Variants in ZNF146 observed in about 807,000 individuals in gnomAD.
The protein encoded by ZNF146 is zinc finger protein OZF.
In ZNF146, 9 loss-of-function variants were observed where a neutral mutation model predicts 22.2. The observed-to-expected ratio is 0.41, with a 90% confidence interval of 0.24 to 0.71. The LOEUF is 0.71. Ranked by LOEUF, ZNF146 falls within the 30% of genes least tolerant of loss-of-function variation. The probability of loss-of-function intolerance (pLI) is 0.34; values close to 1 mark genes in which losing one functional copy is unlikely to be tolerated. For synonymous variants in ZNF146, 108 were observed against 119.2 expected (o/e 0.91, Z 0.61); for missense variants, 194 against 344.8 (o/e 0.56, Z 3.46).
chr19:36,228,452 G>C (rs1977180326), intron 2 of ZNF146: 1 of 152,248 alleles, frequency 6.6e-6, no homozygotes, highest in Non-Finnish European at 1.5e-5. Flanking sequence ...TCCTGTGTAA[G>C]TAAAATTCTG....
intron 3 of ZNF146, among the ~76,000 whole-genome samples, chr19:36,233,517 C>A (rs558124590): frequency 2.0e-5 from 3 of 152,048 alleles, no homozygotes; most frequent in Admixed American, 2.0e-4. Flanking sequence ...TCAAGAGGAC[C>A]GGCCTCTTGA....
At position 36,236,361 on chromosome 19, in the gene ZNF146, T is replaced by C. The variant is rs1183619867; in HGVS notation, c.-80T>C. On this transcript the variant is annotated 5_prime_UTR_variant, in exon 4 of 4. Transcript: ENST00000443387. ...AAATGTAAGAGATGTGGAAATATCT[T>C]CAGCCAAAAGTAAATCCTCACTCAT... The C allele has an allele frequency of 6.7e-7, 1 of 1,493,602 alleles. No homozygotes were observed. Among genetic ancestry groups the C allele is most frequent in the Non-Finnish European group, 9.0e-7 (1 of 1,114,448 alleles). 92.5% of individuals were successfully genotyped at this position (1,493,602 alleles called of 1,614,324 possible).
At chr19:36,229,116 C>T (rs1977208401) in intron 3 of ZNF146, among the ~76,000 whole-genome samples, 1 of 152,220 alleles carries the variant, frequency 6.6e-6, no homozygotes, top group Non-Finnish European at 1.5e-5. Context: ...CTTTTCCTGT[C>T]CTCACACATT....
intron 2 of ZNF146, among the ~76,000 whole-genome samples, chr19:36,220,619 G>T (rs1252926429): frequency 6.6e-6 from 1 of 152,100 alleles, no homozygotes; most frequent in Non-Finnish European, 1.5e-5. Flanking sequence ...GCCCACCTTG[G>T]CCTCCCAAAG....
At chr19:36,224,153 G>A (rs1439802039) in intron 2 of ZNF146, among the ~76,000 whole-genome samples, 1 of 152,174 alleles carries the variant, frequency 6.6e-6, no homozygotes, top group Non-Finnish European at 1.5e-5. Flanking sequence ...AGGCCAAGGT[G>A]GGTGGATCAC....
chr19:36,215,569 G>A (rs1387917944), intron 1 of ZNF146, among the ~76,000 whole-genome samples: 1 of 151,958 alleles, frequency 6.6e-6, no homozygotes, highest in African/African-American at 2.4e-5. Context: ...AAATTGAAGG[G>A]GTGGAAAAGC....
chr19:36,221,010 G>A (rs752648984), intron 2 of ZNF146, among the ~76,000 whole-genome samples: 46 of 151,544 alleles, frequency 3.0e-4, no homozygotes, highest in Non-Finnish European at 5.6e-4. Flanking sequence ...CCACCATGAC[G>A]CCTAGCTAAT....
chr19:36,233,497 G>T (rs908074413), intron 3 of ZNF146, among the ~76,000 whole-genome samples: 3 of 152,060 alleles, frequency 2.0e-5, no homozygotes, highest in Non-Finnish European at 4.4e-5. Flanking sequence ...ACCTGCATAC[G>T]GAGGACCTCT....
At chr19:36,228,158 CAAAAAAAAAAAA>C (rs71171422) in intron 2 of ZNF146, among the ~76,000 whole-genome samples, 1 of 106,644 alleles carries the variant, frequency 9.4e-6, no homozygotes, top group Admixed American at 9.5e-5. Flanking sequence ...GAAACTGTCT[CAAAAAAAAAAAA>C]AAAAAAAGAA....
At chr19:36,220,566 G>A (rs55914742) in intron 2 of ZNF146, among the ~76,000 whole-genome samples, 1 of 151,928 alleles carries the variant, frequency 6.6e-6, no homozygotes, top group Non-Finnish European at 1.5e-5. Flanking sequence ...GGGTTTCACC[G>A]TGTTAGCCAG....
At chr19:36,218,404 T>C (rs899658411) in intron 2 of ZNF146, among the ~76,000 whole-genome samples, 1 of 152,126 alleles carries the variant, frequency 6.6e-6, no homozygotes, top group Admixed American at 6.6e-5. Flanking sequence ...TCAGAAAATA[T>C]TATAGTCCTG....
chr19:36,235,163 C>T (rs907674439), intron 3 of ZNF146, among the ~76,000 whole-genome samples: 4 of 150,972 alleles, frequency 2.6e-5, no homozygotes, highest in South Asian at 4.2e-4. Context: ...GAGCCGAGAT[C>T]GCACCACTGC....
At chr19:36,226,884 G>C (rs1051602082) in intron 2 of ZNF146, among the ~76,000 whole-genome samples, 1 of 151,394 alleles carries the variant, frequency 6.6e-6, no homozygotes, top group Non-Finnish European at 1.5e-5. Flanking sequence ...TCGGGAGTTT[G>C]GGAGTTCAGC....
At chr19:36,221,025 G>C (rs1976812936) in intron 2 of ZNF146, among the ~76,000 whole-genome samples, 1 of 151,394 alleles carries the variant, frequency 6.6e-6, no homozygotes, top group African/African-American at 2.4e-5. Context: ...GCTAATTTTT[G>C]TATTTCTAGT....
intron 2 of ZNF146, among the ~76,000 whole-genome samples, chr19:36,221,927 CTTTTTTTTTT>C (rs60347994): frequency 5.5e-5 from 6 of 109,906 alleles, no homozygotes; most frequent in South Asian, 3.1e-4. Context: ...TTTTTTCTTT[CTTTTTTTTTT>C]TTTTTTTTTT....
At position 36,237,856 on chromosome 19, in the gene ZNF146, C is replaced by T. The variant is rs1977702119; in HGVS notation, c.*537C>T. On this transcript the variant is annotated 3_prime_UTR_variant, in exon 4 of 4. Transcript: ENST00000443387. Reference sequence around the variant, plus strand: ...TTTTTAAGTGGAGGTAGTTTGTTCTCCAAGGGGGAAAAATAGACCATGAAC... The same window carrying T: ...TTTTTAAGTGGAGGTAGTTTGTTCTTCAAGGGGGAAAAATAGACCATGAAC... The T allele has an allele frequency of 6.0e-6, 1 of 166,696 alleles. No homozygotes were observed. The highest frequency in any genetic ancestry group is 6.6e-5 in the Admixed American group (1 of 15,216). The allele number at this position is 166,696 out of a possible 1,614,324, so 10.3% of individuals were successfully genotyped here.
intron 2 of ZNF146, among the ~76,000 whole-genome samples, chr19:36,221,284 CTTTTTTT>C (rs74172797): frequency 2.8e-4 from 28 of 98,688 alleles, no homozygotes; most frequent in Admixed American, 2.8e-3. Flanking sequence ...TAAGGGACTG[CTTTTTTT>C]TTTTTTTTTT....
Position 36,237,277 on chromosome 19 carries a change from G to C in ZNF146, c.837G>C (p.Gln279His). The C allele has an allele frequency of 6.2e-7, 1 of 1,613,836 alleles. No homozygotes were observed. The highest frequency in any genetic ancestry group is 8.5e-7 in the Non-Finnish European group (1 of 1,179,822). ...GTGAATGTGGGAAAGCTTTCAGCCA[G>C]AAGTCACACCACATTAGACACCAGA... ...QCSECGKAFS[Q>H]KSHHIRHQKI... Residue 279 changes from glutamine (Q) to histidine (H), a missense_variant, in exon 4 of 4, where the codon CAG (glutamine) becomes CAC (histidine). This residue lies in a region of ZNF146 where 147 missense variants were observed against 300.1 expected (regional missense o/e 0.49). Transcript: ENST00000443387.
intron 2 of ZNF146, among the ~76,000 whole-genome samples, chr19:36,222,848 T>C (rs1195686862): frequency 1.4e-5 from 2 of 148,008 alleles, no homozygotes; most frequent in Non-Finnish European, 3.0e-5. Context: ...CTTTTTTTTT[T>C]AATCTTGCAG....
Sources: allele counts gnomAD v4.1 joint callset (sites outside exome capture counted in the v4.1 genomes callset), GRCh38; gene constraint gnomAD v4.1.1; regional missense constraint gnomAD v4.1.1; transcripts MANE v1.5; gene names NCBI Gene and HGNC (gene_info 2026-07-23, HGNC 2026-07-21).